HDLBP: variants seen among roughly 807,000 people sequenced by gnomAD.
HDLBP encodes the protein vigilin.
In HDLBP, 30 loss-of-function variants were observed where a neutral mutation model predicts 137.3. The ratio of observed to expected loss-of-function variants is 0.22; its 90% CI spans 0.16 to 0.30. The LOEUF (loss-of-function observed/expected upper bound fraction) is 0.30, where lower values mean the gene tolerates loss of function less well. Ranked by LOEUF, HDLBP falls within the 10% of genes least tolerant of loss-of-function variation. The pLI, the probability that HDLBP is intolerant of heterozygous loss-of-function variation, is 1.00. For missense variants in HDLBP, 1,119 were observed against 1,667.3 expected, an observed-to-expected ratio of 0.67 and a Z score of 5.73; for synonymous variants, 606 against 596.0, an observed-to-expected ratio of 1.02 and a Z score of -0.24.
Position 241,242,443 on chromosome 2 carries a change from T to A in HDLBP, c.2169+17A>T, listed in dbSNP as rs780688507. On this transcript the variant is annotated intron_variant, in intron 17 of 27. Transcript: ENST00000310931. ...CCAGGCTTCCTGCCAAGAGTCACGC[T>A]CCCTCCCCATGCTCACCTTCTCCTC... 6.2e-7 allele frequency: 1 copy of A among 1,607,388 alleles called. No homozygotes were observed. Among genetic ancestry groups the A allele is most frequent in the Non-Finnish European group, 8.5e-7 (1 of 1,174,642 alleles).
In HDLBP at chr2:241,227,595, G is replaced by C. The variant is rs1406904498; in HGVS notation, c.*2006C>G. On this transcript the variant is annotated 3_prime_UTR_variant, in exon 28 of 28. Coordinates refer to ENST00000310931, the MANE Select transcript of HDLBP (RefSeq NM_005336.6). Reference sequence around the variant, plus strand: ...CCAAAGGAAAAGAGAGCGCTGAACAGTTTAGGAAAGGGCTCGCGTCTAAGA... The same window carrying C: ...CCAAAGGAAAAGAGAGCGCTGAACACTTTAGGAAAGGGCTCGCGTCTAAGA... 1 of 152,666 alleles carries C rather than the reference G, an allele frequency of 6.6e-6. No individual in the cohort carries two copies. The highest frequency in any genetic ancestry group is 1.5e-5 in the Non-Finnish European group (1 of 68,060). The allele number at this position is 152,666 out of a possible 1,614,324, so 9.5% of individuals were successfully genotyped here. A position where few individuals can be genotyped will look rare whatever the true frequency, so the allele number is the denominator to read the frequency against.
At chr2:241,253,076 C>T (rs774173138) in intron 10 of HDLBP, 41 bp from the exon 11 acceptor site, 5 of 1,472,658 alleles carry the variant, frequency 3.4e-6, no homozygotes, top group East Asian at 4.6e-5. Flanking sequence ...CGCCTGGTTA[C>T]TTGGCCAATG....
At position 241,229,409 on chromosome 2, in the gene HDLBP, T is replaced by C. The variant is rs1441800469; in HGVS notation, c.*192A>G. ...TAGTGTTAAACAGTGGAGCAGGTCC[T>C]GAGCGGGCACGGCCAGGCCTGGAGG... On this transcript the variant is annotated 3_prime_UTR_variant, in exon 28 of 28. Transcript: ENST00000310931. 9.2e-6 allele frequency: 5 copies of C among 544,522 alleles called. No individual in the cohort carries two copies. Among genetic ancestry groups the C allele is most frequent in the Non-Finnish European group, 1.7e-5 (5 of 300,352 alleles). 33.7% of individuals were successfully genotyped at this position (544,522 alleles called of 1,614,324 possible). A position where few individuals can be genotyped will look rare whatever the true frequency, so the allele number is the denominator to read the frequency against.
intron 1 of HDLBP, among the ~76,000 whole-genome samples, chr2:241,300,101 A>G (rs957244316): frequency 2.6e-5 from 4 of 152,174 alleles, no homozygotes; most frequent in South Asian, 2.1e-4. Context: ...TTCATGAGAA[A>G]GTAGATTTTT....
At chr2:241,236,824 C>T in intron 20 of HDLBP, 55 bp from the exon 21 acceptor site, 1 of 1,582,696 alleles carries the variant, frequency 6.3e-7, no homozygotes, top group Non-Finnish European at 8.6e-7. Context: ...GACCCCACAC[C>T]TTGTTCAGAA....
chr2:241,298,687 T>C (rs1237184144), intron 1 of HDLBP, among the ~76,000 whole-genome samples: 1 of 152,184 alleles, frequency 6.6e-6, no homozygotes, highest in Admixed American at 6.5e-5. Context: ...GCAAGTAAAG[T>C]GCACATCACC....
At chr2:241,243,213 G>A (rs557368105) in intron 16 of HDLBP, among the ~76,000 whole-genome samples, 5 of 152,306 alleles carry the variant, frequency 3.3e-5, no homozygotes, top group Admixed American at 2.0e-4. Flanking sequence ...GCCACAGTAC[G>A]GGAAGGTGAG....
intron 2 of HDLBP, chr2:241,268,074 A>G (rs1018215977): frequency 1.7e-6 from 1 of 591,876 alleles, no homozygotes; most frequent in African/African-American, 2.0e-5. Context: ...ACAATTACGC[A>G]TCAATTACTC....
In HDLBP at chr2:241,248,355, A is replaced by T. The variant is rs756112600; in HGVS notation, c.1513-7T>A. On this transcript the variant is annotated splice_polypyrimidine_tract_variant and splice_region_variant and intron_variant, in intron 12 of 27. Coordinates refer to ENST00000310931, the MANE Select transcript of HDLBP (RefSeq NM_005336.6). ...CCTTGGTACGCTCATTTTCCTAAAAATACAATTAAAGTAGATGTCATTTAT... is the reference window on the plus strand; with the variant it reads ...CCTTGGTACGCTCATTTTCCTAAAATTACAATTAAAGTAGATGTCATTTAT... 23 of 1,603,756 alleles carry T rather than the reference A, an allele frequency of 1.4e-5. No homozygotes were observed. Among genetic ancestry groups the T allele is most frequent in the Admixed American group, 1.3e-4 (8 of 59,996 alleles).
chr2:241,234,050 C>T (rs2070107900), intron 23 of HDLBP, 87 bp from the exon 24 acceptor site: 20 of 1,457,642 alleles, frequency 1.4e-5, no homozygotes, highest in Non-Finnish European at 1.9e-5. Flanking sequence ...TCATAGGACA[C>T]TGGAGATGCT....
Position 241,228,729 on chromosome 2 carries a change from G to C in HDLBP, c.*872C>G, listed in dbSNP as rs1164509622. ...AACTGAACACACAGCAGCTAGGGCA[G>C]GGGCAGGGAGGGGCTGCAGGTGGTG... is the stretch of plus-strand genomic sequence containing the variant. On this transcript the variant is annotated 3_prime_UTR_variant, in exon 28 of 28. Coordinates refer to ENST00000310931, the MANE Select transcript of HDLBP (RefSeq NM_005336.6). 6.5e-6 allele frequency: 1 copy of C among 153,032 alleles called. No homozygotes were observed. The highest frequency in any genetic ancestry group is 1.9e-4 in the East Asian group (1 of 5,206). 9.5% of individuals were successfully genotyped at this position (153,032 alleles called of 1,614,324 possible).
At chr2:241,314,823 A>G (rs572343243) in intron 1 of HDLBP, among the ~76,000 whole-genome samples, 2 of 152,338 alleles carry the variant, frequency 1.3e-5, no homozygotes, top group South Asian at 2.1e-4. Context: ...CATGCGGGTC[A>G]GCCATTAGGA....
At chr2:241,261,444 T>C (rs2073174032) in intron 5 of HDLBP, among the ~76,000 whole-genome samples, 1 of 152,192 alleles carries the variant, frequency 6.6e-6, no homozygotes, top group East Asian at 1.9e-4. Context: ...TATGTATACA[T>C]GAAAACGGGA....
At chr2:241,280,160 A>G (rs2074542397) in intron 1 of HDLBP, 10 of 976,718 alleles carry the variant, frequency 1.0e-5, no homozygotes, top group Non-Finnish European at 1.1e-5. Context: ...GGTCAAAGTC[A>G]GGTCAAAGAA....
intron 21 of HDLBP, chr2:241,236,032 C>T (rs182052702): frequency 1.3e-4 from 26 of 193,158 alleles, no homozygotes; most frequent in East Asian, 2.8e-4. Context: ...ACTCTCAGAC[C>T]GCTGCTCACC....
At chr2:241,253,079 G>T in intron 10 of HDLBP, 44 bp from the exon 11 acceptor site, 1 of 1,451,346 alleles carries the variant, frequency 6.9e-7, no homozygotes, top group Non-Finnish European at 9.7e-7. Flanking sequence ...CTGGTTACTT[G>T]GCCAATGAGC....
intron 1 of HDLBP, among the ~76,000 whole-genome samples, chr2:241,296,224 G>A (rs943593273): frequency 3.3e-5 from 5 of 152,040 alleles, no homozygotes; most frequent in Admixed American, 6.6e-5. Flanking sequence ...ACAGACTCAC[G>A]TGTACCTGTG....
At position 241,295,768 on chromosome 2, in the gene HDLBP, C is replaced by T. The variant is rs146188217; in HGVS notation, c.-103+19802G>A. ...ATCTGGGTGGGTTCTAAATGCCACC[C>T]GTGACAGACGAGAAAGCCACGTGAA... On this transcript the variant is annotated intron_variant, in intron 1 of 27. Transcript: ENST00000310931. Among the ~76,000 whole-genome samples, 950 of 152,216 alleles carry T rather than the reference C, an allele frequency of 6.2e-3. 16 individuals carry two copies. Among genetic ancestry groups the T allele is most frequent in the African/African-American group, 0.019 (795 of 41,530 alleles).
rs2071024474 is a variant in HDLBP at position 241,239,819 on chromosome 2, T to C, written c.2393A>G (p.Asp798Gly). Residue 798 changes from aspartate to glycine, a missense_variant and splice_region_variant, in exon 19 of 28, where the codon GAT becomes GGT. Asp to Gly is a moderately conservative substitution (Grantham distance 94). This residue lies in a region of HDLBP where 618 missense variants were observed against 816.7 expected (regional missense o/e 0.76). Transcript: ENST00000310931. This position sits in a 1 kb window ranked among gnomAD's most constrained non-coding sequence, Gnocchi z 4.6. ...KELEALIQNLDNVVEDSMLVD... is the reference protein window; with the variant it reads ...KELEALIQNLGNVVEDSMLVD... ...CAGCATGGAGTCTTCCACCACATTA[T>C]CCTGCAGTGTTAAGAAGAGATGGAA... The C allele has an allele frequency of 4.3e-6, 7 of 1,613,552 alleles. No homozygotes were observed. The highest frequency in any genetic ancestry group is 5.9e-6 in the Non-Finnish European group (7 of 1,179,734).
Sources: allele counts gnomAD v4.1 joint callset (sites outside exome capture counted in the v4.1 genomes callset), GRCh38; gene constraint gnomAD v4.1.1; regional missense constraint gnomAD v4.1.1; non-coding constraint Gnocchi (gnomAD v3.1); transcripts MANE v1.5; gene names NCBI Gene and HGNC (gene_info 2026-07-23, HGNC 2026-07-21).